The following CTNNB1 variants were observed in gnomAD, a reference collection of about 807,000 sequenced individuals.
The protein encoded by CTNNB1 is catenin beta 1, also known as catenin beta-1.
CTNNB1 carries 6 observed loss-of-function variants against 82.5 expected under a neutral mutation model. The ratio of observed to expected loss-of-function variants is 0.07; its 90% CI spans 0.04 to 0.14. The LOEUF is 0.14. Ranked by LOEUF, CTNNB1 falls within the 10% of genes least tolerant of loss-of-function variation. The pLI, the probability that CTNNB1 is intolerant of heterozygous loss-of-function variation, is 1.00. For synonymous variants in CTNNB1, 312 were observed against 329.7 expected, an observed-to-expected ratio of 0.95 and a Z score of 0.58; for missense variants, 529 against 980.4, an observed-to-expected ratio of 0.54 and a Z score of 6.15.
intron 9 of CTNNB1, 119 bp downstream of exon 9, chr3:41,233,986 A>G (rs2078371801): frequency 1.4e-6 from 2 of 1,426,300 alleles, no homozygotes; most frequent in African/African-American, 1.4e-5. Flanking sequence ...CTTAGTAAGT[A>G]GGAAGTATGG....
chr3:41,225,603 A>G lies in CTNNB1; in HGVS notation c.734+31A>G. The G allele has an allele frequency of 6.2e-7, 1 of 1,613,932 alleles. No homozygotes were observed. The highest frequency in any genetic ancestry group is 8.5e-7 in the Non-Finnish European group (1 of 1,179,812). ...AAAACATGTCAGAATGCTTGAAGCTAAAAAGTAGAAGAGTATACTCACAAT... is the reference window on the plus strand; with the variant it reads ...AAAACATGTCAGAATGCTTGAAGCTGAAAAGTAGAAGAGTATACTCACAAT... On this transcript the variant is annotated intron_variant, in intron 5 of 14. Transcript: ENST00000349496. The surrounding 1 kb of genome is among the most constrained non-coding windows in gnomAD (Gnocchi z 5.3).
At chr3:41,235,891 A>G (rs201860268) in intron 11 of CTNNB1, 48 bp downstream of exon 11, 33 of 1,608,082 alleles carry the variant, frequency 2.1e-5, no homozygotes, top group Non-Finnish European at 2.7e-5. Context: ...TAAAATTTCC[A>G]GATTGTAATG....
intron 1 of CTNNB1, 83 bp from the exon 2 acceptor site, chr3:41,223,938 A>G (rs2078111344): frequency 9.9e-7 from 1 of 1,005,502 alleles, no homozygotes; most frequent in Non-Finnish European, 1.6e-6. Flanking sequence ...TGTAATAGTG[A>G]CATTTAACAG....
intron 1 of CTNNB1, among the ~76,000 whole-genome samples, chr3:41,213,588 T>C (rs894230629): frequency 2.0e-5 from 3 of 152,228 alleles, no homozygotes; most frequent in Admixed American, 6.5e-5. Context: ...AGTCTGTACA[T>C]TGTATTTATG....
At chr3:41,236,895 T>C (rs1175473235) in intron 13 of CTNNB1, 186 bp downstream of exon 13, 1 of 680,356 alleles carries the variant, frequency 1.5e-6, no homozygotes. Context: ...TTAAAGAGTC[T>C]GTTCAGAATC....
At chr3:41,235,428 T>C in intron 10 of CTNNB1, 1 of 429,892 alleles carries the variant, frequency 2.3e-6, no homozygotes, top group African/African-American at 2.0e-5. Flanking sequence ...TCTTTTTATA[T>C]ACCTTTTACC....
At chr3:41,231,770 G>C (rs1259509711) in intron 7 of CTNNB1, among the ~76,000 whole-genome samples, 2 of 152,142 alleles carry the variant, frequency 1.3e-5, no homozygotes. Context: ...GATGTTACAG[G>C]CTTTTAGGAA....
At chr3:41,224,357 G>C (rs941438582) in intron 2 of CTNNB1, 169 bp from the exon 3 acceptor site, 5 of 753,988 alleles carry the variant, frequency 6.6e-6, no homozygotes, top group Middle Eastern at 3.6e-4. Context: ...AAGGGATTAG[G>C]TATTTCATCA....
intron 14 of CTNNB1, 88 bp downstream of exon 14, chr3:41,238,164 AC>A: frequency 1.7e-6 from 2 of 1,208,070 alleles, no homozygotes; most frequent in Non-Finnish European, 2.5e-6. Context: ...CATCTGGGAA[AC>A]CAGTGTTGGC....
intron 1 of CTNNB1, chr3:41,221,621 C>T (rs2078051281): frequency 6.6e-6 from 1 of 152,158 alleles, no homozygotes. Flanking sequence ...TTACAAGCCA[C>T]TTCGCCTGGC....
intron 1 of CTNNB1, among the ~76,000 whole-genome samples, chr3:41,207,533 C>G (rs1006532444): frequency 6.6e-6 from 1 of 152,146 alleles, no homozygotes; most frequent in Non-Finnish European, 1.5e-5. Context: ...CATCAATGGT[C>G]TGTCTTTACA....
At chr3:41,219,426 C>G (rs1343766865) in intron 1 of CTNNB1, among the ~76,000 whole-genome samples, 1 of 152,126 alleles carries the variant, frequency 6.6e-6, no homozygotes, top group Non-Finnish European at 1.5e-5. Context: ...TGTGCTATAT[C>G]AATGACTATC....
chr3:41,205,170 C>T (rs1421012324), intron 1 of CTNNB1, among the ~76,000 whole-genome samples: 1 of 152,144 alleles, frequency 6.6e-6, no homozygotes, highest in African/African-American at 2.4e-5. Flanking sequence ...CTCAAGTCAG[C>T]CCCCAATTTT....
chr3:41,199,815 A>C (rs2077480588), intron 1 of CTNNB1, 145 bp downstream of exon 1: 3 of 140,636 alleles, frequency 2.1e-5, no homozygotes, highest in East Asian at 2.3e-4. Context: ...CAGGTGGGGG[A>C]CGGTGAGGGT....
intron 1 of CTNNB1, among the ~76,000 whole-genome samples, chr3:41,200,595 T>A (rs1056651861): frequency 6.6e-6 from 1 of 152,240 alleles, no homozygotes; most frequent in Non-Finnish European, 1.5e-5. Context: ...TGATGGCAGC[T>A]AAAATTGAAT....
At chr3:41,210,047 A>G (rs1307760389) in intron 1 of CTNNB1, among the ~76,000 whole-genome samples, 1 of 152,240 alleles carries the variant, frequency 6.6e-6, no homozygotes, top group Non-Finnish European at 1.5e-5. Context: ...CTCTTGTAAT[A>G]ACACGTAGCT....
chr3:41,206,555 A>C (rs2077653424), intron 1 of CTNNB1, among the ~76,000 whole-genome samples: 1 of 152,186 alleles, frequency 6.6e-6, no homozygotes, highest in Non-Finnish European at 1.5e-5. Context: ...ACTGGGGGAT[A>C]GTTGTTGCAA....
chr3:41,214,269 A>T (rs981212234), intron 1 of CTNNB1, among the ~76,000 whole-genome samples: 2 of 152,156 alleles, frequency 1.3e-5, no homozygotes, highest in African/African-American at 4.8e-5. Flanking sequence ...TCTGATAGAG[A>T]ACCTCTTGGC....
At chr3:41,232,421 A>C (rs1208853185) in intron 7 of CTNNB1, among the ~76,000 whole-genome samples, 1 of 151,956 alleles carries the variant, frequency 6.6e-6, no homozygotes, top group Non-Finnish European at 1.5e-5. Flanking sequence ...GGAGTAACTT[A>C]CACTATGAAG....
Sources: gnomAD v4.1 joint callset for allele counts (sites outside exome capture counted in the v4.1 genomes callset) on GRCh38, gnomAD v4.1.1 for gene constraint, Gnocchi (gnomAD v3.1) non-coding constraint, MANE v1.5 for transcripts, NCBI Gene and HGNC (gene_info 2026-07-23, HGNC 2026-07-21) for gene names.